TPST1: variants seen among roughly 807,000 people sequenced by gnomAD.
The protein encoded by TPST1 is tyrosylprotein sulfotransferase 1.
In TPST1, 20 loss-of-function variants were observed where a neutral mutation model predicts 34.8. That is an observed-to-expected ratio of 0.57 (90% CI 0.40 to 0.84). The LOEUF is 0.84. TPST1 is among the 40% of genes least tolerant of loss of function. The pLI is 0.00. For synonymous variants in TPST1, 152 were observed against 159.4 expected, an observed-to-expected ratio of 0.95 and a Z score of 0.35; for missense variants, 353 against 455.5, an observed-to-expected ratio of 0.78 and a Z score of 2.05.
chr7:66,251,595 A>G (rs983232701), intron 2 of TPST1, among the ~76,000 whole-genome samples: 12 of 152,188 alleles, frequency 7.9e-5, no homozygotes, highest in Non-Finnish European at 1.8e-4. Context: ...ACCCGATTTG[A>G]ATAGCTCTAG....
intron 3 of TPST1, among the ~76,000 whole-genome samples, chr7:66,349,563 C>T (rs528133042): frequency 6.6e-6 from 1 of 152,082 alleles, no homozygotes; most frequent in South Asian, 2.1e-4. Context: ...CAGAGCGAAA[C>T]TCCGTCTCAA....
rs368578254 is a variant in TPST1 at position 66,254,885 on chromosome 7, C to T, written c.845+13615C>T. 7.9e-5 allele frequency among the ~76,000 whole-genome samples: 12 copies of T among 152,096 alleles called. No homozygotes were observed. In the East Asian group the frequency reaches 1.7e-3, roughly 22 times the overall value. ...TGTTGTTGCCAGGCGTGGTGGCTCA[C>T]GCCTGTAATCCCAGCACTTTGGGAG... On this transcript the variant is annotated intron_variant, in intron 2 of 5. Coordinates refer to ENST00000304842, the MANE Select transcript of TPST1 (RefSeq NM_003596.4).
At chr7:66,225,343 G>A (rs1789631950) in intron 1 of TPST1, among the ~76,000 whole-genome samples, 1 of 152,110 alleles carries the variant, frequency 6.6e-6, no homozygotes, top group Non-Finnish European at 1.5e-5. Context: ...CTGGCACAGT[G>A]GCTCACGCCT....
At chr7:66,274,097 G>A (rs939589817) in intron 2 of TPST1, among the ~76,000 whole-genome samples, 2 of 149,566 alleles carry the variant, frequency 1.3e-5, no homozygotes, top group Non-Finnish European at 1.5e-5. Context: ...AGCTGGGCAC[G>A]GTGGCTGACG....
intron 3 of TPST1, among the ~76,000 whole-genome samples, chr7:66,342,673 A>G (rs1792261611): frequency 1.3e-5 from 2 of 152,162 alleles, no homozygotes; most frequent in South Asian, 4.1e-4. Context: ...GGTGGAACAC[A>G]AAGGGGAACA....
At chr7:66,345,091 G>A (rs1792317505) in intron 3 of TPST1, among the ~76,000 whole-genome samples, 1 of 151,952 alleles carries the variant, frequency 6.6e-6, no homozygotes, top group South Asian at 2.1e-4. Flanking sequence ...AATAACAGAG[G>A]AAAAGAGAGA....
intron 2 of TPST1, among the ~76,000 whole-genome samples, chr7:66,241,771 C>G (rs190386208): frequency 6.6e-6 from 1 of 152,292 alleles, no homozygotes; most frequent in Non-Finnish European, 1.5e-5. Flanking sequence ...AAAGCTTCGT[C>G]TAACCTAATC....
At chr7:66,282,121 G>A (rs1215555871) in intron 2 of TPST1, among the ~76,000 whole-genome samples, 2 of 152,128 alleles carry the variant, frequency 1.3e-5, no homozygotes, top group Non-Finnish European at 1.5e-5. Flanking sequence ...AGTTCATACC[G>A]TAGTATGCTT....
intron 1 of TPST1, among the ~76,000 whole-genome samples, chr7:66,210,991 G>A (rs574654296): frequency 1.0e-4 from 15 of 150,056 alleles, no homozygotes; most frequent in African/African-American, 2.4e-4. Flanking sequence ...ACACGCGCGC[G>A]CACACACACA....
At chr7:66,317,207 A>G (rs1212324331) in intron 3 of TPST1, among the ~76,000 whole-genome samples, 2 of 152,186 alleles carry the variant, frequency 1.3e-5, no homozygotes, top group Non-Finnish European at 2.9e-5. Context: ...ATCTTTAGTT[A>G]TATGTACTTC....
chr7:66,218,958 G>A (rs900717143), intron 1 of TPST1, among the ~76,000 whole-genome samples: 2 of 151,752 alleles, frequency 1.3e-5, no homozygotes, highest in African/African-American at 2.4e-5. Flanking sequence ...TCAGCTCACA[G>A]CAACCTCTGC....
intron 3 of TPST1, among the ~76,000 whole-genome samples, chr7:66,294,693 T>G (rs1245090012): frequency 6.6e-6 from 1 of 152,028 alleles, no homozygotes; most frequent in Non-Finnish European, 1.5e-5. Context: ...TCACCTGTAA[T>G]GTTCCCACCT....
chr7:66,232,202 T>A (rs952358134), intron 1 of TPST1, among the ~76,000 whole-genome samples: 29 of 78,450 alleles, frequency 3.7e-4, no homozygotes, highest in Admixed American at 2.3e-3. Flanking sequence ...TTAAAAAAAA[T>A]TTTTTTTTTT....
upstream of TPST1, among the ~76,000 whole-genome samples, chr7:66,202,160 CAT>C (rs1789040745): frequency 6.6e-6 from 1 of 152,084 alleles, no homozygotes; most frequent in African/African-American, 2.4e-5. Context: ...CCTTCTAGCA[CAT>C]ATACTATATG....
chr7:66,231,358 C>T lies in TPST1; in HGVS notation c.-101-8967C>T, dbSNP rs186175911. 9.7e-3 allele frequency among the ~76,000 whole-genome samples: 1,483 copies of T among 152,358 alleles called. 11 individuals carry two copies. The highest frequency in any genetic ancestry group is 0.016 in the Non-Finnish European group (1,082 of 68,030). On this transcript the variant is annotated intron_variant, in intron 1 of 5. Coordinates refer to ENST00000304842, the MANE Select transcript of TPST1 (RefSeq NM_003596.4). ...GCCTGCCAGTCCCATGCTGTGCGCT[C>T]GCACTCCGCAGGCCTTGGGTGGTTG...
chr7:66,204,483 T>A (rs1217956648), upstream of TPST1, among the ~76,000 whole-genome samples: 4 of 152,238 alleles, frequency 2.6e-5, no homozygotes, highest in Non-Finnish European at 4.4e-5. Context: ...CCCAAAGTGC[T>A]GTGATTAGAG....
intron 2 of TPST1, among the ~76,000 whole-genome samples, chr7:66,253,555 T>G (rs1299924343): frequency 6.6e-6 from 1 of 151,518 alleles, no homozygotes; most frequent in African/African-American, 2.4e-5. Context: ...GTATTTTTAG[T>G]AGAGACGGGA....
chr7:66,250,351 C>G (rs1790237361), intron 2 of TPST1, among the ~76,000 whole-genome samples: 1 of 152,178 alleles, frequency 6.6e-6, no homozygotes. Context: ...TTGTCTTCAT[C>G]TATACTTTTA....
intron 1 of TPST1, among the ~76,000 whole-genome samples, chr7:66,239,699 G>A (rs769900416): frequency 6.6e-6 from 1 of 152,128 alleles, no homozygotes; most frequent in African/African-American, 2.4e-5. Context: ...TAAATATTTG[G>A]TTGACTCACT....
Sources: allele counts gnomAD v4.1 joint callset (sites outside exome capture counted in the v4.1 genomes callset), GRCh38; gene constraint gnomAD v4.1.1; transcripts MANE v1.5; gene names NCBI Gene and HGNC (gene_info 2026-07-23, HGNC 2026-07-21).